The following GPR55 variants were observed in gnomAD, a reference collection of about 807,000 sequenced individuals.
GPR55 encodes the protein G-protein coupled receptor 55.
Under a neutral mutation model 7.9 loss-of-function variants are expected in GPR55, and 6 were observed. The observed-to-expected ratio is 0.76, with a 90% CI of 0.41 to 1.49. GPR55 has a LOEUF of 1.49. Among genes scored for constraint, GPR55 ranks in the 40% most tolerant of loss-of-function variants. The probability of loss-of-function intolerance (pLI) is 0.01; values close to 1 mark genes in which losing one functional copy is unlikely to be tolerated. For synonymous variants in GPR55, 183 were observed against 166.8 expected (o/e 1.10, Z -0.75); for missense variants, 376 against 406.0 (o/e 0.93, Z 0.63).
At chr2:230,954,341 G>A (rs971510282) in intron 1 of GPR55, among the ~76,000 whole-genome samples, 2 of 152,218 alleles carry the variant, frequency 1.3e-5, no homozygotes, top group South Asian at 4.1e-4. Context: ...CTATCATTCT[G>A]TGTCCTGAAG....
intron 1 of GPR55, among the ~76,000 whole-genome samples, chr2:230,933,883 A>G (rs1350376392): frequency 6.6e-6 from 1 of 152,158 alleles, no homozygotes; most frequent in Non-Finnish European, 1.5e-5. Context: ...TAGGAGAGGC[A>G]TTACCAGGTC....
chr2:230,954,000 G>A (rs991807232), intron 1 of GPR55, among the ~76,000 whole-genome samples: 1 of 152,246 alleles, frequency 6.6e-6, no homozygotes, highest in Non-Finnish European at 1.5e-5. Flanking sequence ...GGCCTGTGGA[G>A]CAAGCTTATG....
At chr2:230,954,388 T>C (rs1037563691) in intron 1 of GPR55, among the ~76,000 whole-genome samples, 37 of 152,382 alleles carry the variant, frequency 2.4e-4, no homozygotes, top group Admixed American at 6.5e-4. Flanking sequence ...TCATTTTCTG[T>C]TGGATTTAAA....
chr2:230,910,394 A>AAGCCAAAC lies in GPR55; in HGVS notation c.561_568dup (p.Phe190CysfsTer66), dbSNP rs1395889435. On this transcript the variant is annotated frameshift_variant, in exon 2 of 2. Coordinates refer to ENST00000650999, the MANE Select transcript of GPR55 (RefSeq NM_005683.4). LOFTEE classifies it high-confidence loss of function. This position sits in a 1 kb window ranked among gnomAD's most constrained non-coding sequence, Gnocchi z 5.4. ...GCCCATGATGCCCATGGGAAGGAGG[A>AAGCCAAAC]AGCCAAACACCTCCAGCGGGAAGAA... 7 of 1,614,050 alleles carry AAGCCAAAC rather than the reference A, an allele frequency of 4.3e-6. No individual in the cohort carries two copies. The highest frequency in any genetic ancestry group is 5.9e-6 in the Non-Finnish European group (7 of 1,179,954).
At chr2:230,960,302 C>T (rs548472807) in intron 1 of GPR55, among the ~76,000 whole-genome samples, 1 of 152,198 alleles carries the variant, frequency 6.6e-6, no homozygotes, top group South Asian at 2.1e-4. Flanking sequence ...ATGTGCAGTA[C>T]CAGTATAAGA....
In GPR55 at chr2:230,923,482, T is replaced by C. The variant is rs1690882529; in HGVS notation, c.-135+1686A>G. 6.6e-6 allele frequency among the ~76,000 whole-genome samples: 1 copy of C among 152,140 alleles called. No homozygotes were observed. Among genetic ancestry groups the C allele is most frequent in the African/African-American group, 2.4e-5 (1 of 41,426 alleles). ...TAACACCATAGTGTGAATAAAGTCA[T>C]CCGCCTGTGCCTGAGCTGGGCTTCT... On this transcript the variant is annotated intron_variant, in intron 1 of 1. Transcript: ENST00000650999. The surrounding 1 kb of genome is among the most constrained non-coding windows in gnomAD (Gnocchi z 4.1).
At chr2:230,958,887 C>A (rs1691529839) in intron 1 of GPR55, among the ~76,000 whole-genome samples, 1 of 152,086 alleles carries the variant, frequency 6.6e-6, no homozygotes, top group African/African-American at 2.4e-5. Flanking sequence ...CTATTTCTAT[C>A]ATTCTTTCTA....
chr2:230,947,387 T>C (rs2125068329), intron 1 of GPR55, among the ~76,000 whole-genome samples: 1 of 152,322 alleles, frequency 6.6e-6, no homozygotes, highest in Middle Eastern at 3.4e-3. Flanking sequence ...CCTAGAAGAT[T>C]GCATCTAAGT....
At chr2:230,932,981 C>G (rs1240345102) in intron 1 of GPR55, among the ~76,000 whole-genome samples, 2 of 152,208 alleles carry the variant, frequency 1.3e-5, no homozygotes, top group Admixed American at 6.5e-5. Context: ...TTCAGAGCCC[C>G]AGGATCGTGC....
intron 1 of GPR55, among the ~76,000 whole-genome samples, chr2:230,932,932 A>T (rs1691072165): frequency 6.6e-6 from 1 of 152,208 alleles, no homozygotes; most frequent in South Asian, 2.1e-4. Context: ...GGTCACAAGG[A>T]CAAATCCTAA....
chr2:230,916,065 AG>A (rs1690706469), intron 1 of GPR55, among the ~76,000 whole-genome samples: 1 of 151,482 alleles, frequency 6.6e-6, no homozygotes, highest in Non-Finnish European at 1.5e-5. Flanking sequence ...TAAAATCAAA[AG>A]AAAAAAAAAA....
chr2:230,910,271 C>T lies in GPR55; in HGVS notation c.692G>A (p.Ser231Asn). 1 of 1,614,086 alleles carries T rather than the reference C, an allele frequency of 6.2e-7. No individual in the cohort carries two copies. The highest frequency in any genetic ancestry group is 8.5e-7 in the Non-Finnish European group (1 of 1,180,008). ...GAAGGAGACCACGAAGACAGCCAGG[C>T]TGGCTGCGATGCTGTAGATGCAGGC... ...QKACIYSIAA[S>N]LAVFVVSFLP... The change falls in exon 2 of 2, where the codon AGC becomes AAC. Residue 231 changes from serine (S) to asparagine (N), a missense_variant. Physicochemically the swap from Ser to Asn is conservative, Grantham distance 46 (BLOSUM62 1). Coordinates refer to ENST00000650999, the MANE Select transcript of GPR55 (RefSeq NM_005683.4). The surrounding 1 kb of genome is among the most constrained non-coding windows in gnomAD (Gnocchi z 5.4).
chr2:230,941,032 G>A (rs1169149076), intron 1 of GPR55, among the ~76,000 whole-genome samples: 2 of 152,104 alleles, frequency 1.3e-5, no homozygotes, highest in Non-Finnish European at 2.9e-5. Flanking sequence ...CAGGAGAATT[G>A]CTTGAACCCA....
chr2:230,914,220 C>T (rs1204964660), intron 1 of GPR55, among the ~76,000 whole-genome samples: 2 of 152,228 alleles, frequency 1.3e-5, no homozygotes, highest in Admixed American at 6.5e-5. Flanking sequence ...AGAAAGCACA[C>T]AACCTCAGGT....
chr2:230,954,090 C>G (rs376498119), intron 1 of GPR55, among the ~76,000 whole-genome samples: 1 of 152,364 alleles, frequency 6.6e-6, no homozygotes, highest in East Asian at 1.9e-4. Context: ...GAAGCCAAAT[C>G]GTAACAGAGG....
At chr2:230,916,652 A>G (rs1690724329) in intron 1 of GPR55, among the ~76,000 whole-genome samples, 1 of 152,064 alleles carries the variant, frequency 6.6e-6, no homozygotes, top group African/African-American at 2.4e-5. Context: ...GGTAATAGTA[A>G]GTGCCTGGGG....
upstream of GPR55, among the ~76,000 whole-genome samples, chr2:230,927,161 G>A (rs879544844): frequency 6.6e-6 from 1 of 151,938 alleles, no homozygotes; most frequent in Non-Finnish European, 1.5e-5. Context: ...TACCCCCCAG[G>A]GCACCACTGT....
intron 1 of GPR55, among the ~76,000 whole-genome samples, chr2:230,931,632 C>G (rs1001266650): frequency 2.0e-5 from 3 of 152,160 alleles, no homozygotes; most frequent in African/African-American, 7.2e-5. Flanking sequence ...GAACACAGTG[C>G]ACCTGCTGCT....
chr2:230,926,536 A>C (rs771085194), upstream of GPR55, among the ~76,000 whole-genome samples: 72 of 152,078 alleles, frequency 4.7e-4, no homozygotes, highest in Non-Finnish European at 8.5e-4. Flanking sequence ...GAGGAAACAC[A>C]CCGGTGTCTG....
Sources: gnomAD v4.1 joint callset for allele counts (sites outside exome capture counted in the v4.1 genomes callset) on GRCh38, gnomAD v4.1.1 for gene constraint, Gnocchi (gnomAD v3.1) non-coding constraint, MANE v1.5 for transcripts, NCBI Gene and HGNC (gene_info 2026-07-23, HGNC 2026-07-21) for gene names.